TJP1: variants seen among roughly 807,000 people sequenced by gnomAD.
The protein encoded by TJP1 is tight junction protein 1, also known as tight junction protein ZO-1.
TJP1 carries 43 observed loss-of-function variants against 194.2 expected under a neutral mutation model. The ratio of observed to expected loss-of-function variants is 0.22; its 90% CI spans 0.17 to 0.29. The LOEUF is 0.29. Ranked by LOEUF, TJP1 falls within the 10% of genes least tolerant of loss-of-function variation. The probability of loss-of-function intolerance (pLI) is 1.00; values close to 1 mark genes in which losing one functional copy is unlikely to be tolerated. For synonymous variants in TJP1, 801 were observed against 779.0 expected, an observed-to-expected ratio of 1.03 and a Z score of -0.47; for missense variants, 1,971 against 2,185.7, an observed-to-expected ratio of 0.90 and a Z score of 1.96.
intron 2 of TJP1, among the ~76,000 whole-genome samples, chr15:29,931,959 T>C (rs954902438): frequency 1.3e-5 from 2 of 152,184 alleles, no homozygotes; most frequent in African/African-American, 4.8e-5. Flanking sequence ...ATCTGTAAAT[T>C]GTCATGGTGC....
At chr15:29,734,224 G>A (rs749806561) in intron 12 of TJP1, 50 bp downstream of exon 12, 3 of 1,263,328 alleles carry the variant, frequency 2.4e-6, no homozygotes, top group Admixed American at 2.4e-5. Context: ...CCCTTTGTAA[G>A]TCCTCAAACT....
Position 29,708,783 on chromosome 15 carries a change from C to T in TJP1, c.4626G>A (p.Lys1542=). 1 of 1,614,216 alleles carries T rather than the reference C, an allele frequency of 6.2e-7. No individual in the cohort carries two copies. Among genetic ancestry groups the T allele is most frequent in the African/African-American group, 1.3e-5 (1 of 75,042 alleles). Residue 1542 remains lysine, a synonymous_variant, in exon 25 of 28, where the codon AAG becomes AAA. Coordinates refer to ENST00000614355, the MANE Select transcript of TJP1 (RefSeq NM_001330239.4). The stretch of plus-strand genomic sequence containing the variant: ...TGTGATTGAATTTAGGACTTTCAAA[C>T]TTGCGTTCAAATGGTCGGGCAGAAC... The part of the protein sequence containing the change: ...YTSSARPFER[K]FESPKFNHNL...
Position 29,766,301 on chromosome 15 carries a change from G to C in TJP1, c.554C>G (p.Thr185Ser). The change falls in exon 5 of 28, where the codon ACT (threonine) becomes AGT (serine). Residue 185 changes from threonine (T) to serine (S), a missense_variant. Physicochemically the swap from Thr to Ser is moderately conservative, Grantham distance 58. This residue lies in a region of TJP1 where 245 missense variants were observed against 336.6 expected (regional missense o/e 0.73). Coordinates refer to ENST00000614355, the MANE Select transcript of TJP1 (RefSeq NM_001330239.4). ...SVASSQPAKP[T>S]KVTLVKSRKN... is the part of the protein sequence containing the mutation. ...CCGGGATTTCACCAGTGTGACTTTA[G>C]TAGGTTTAGCAGGCTGGCTGGAAGC... 6.2e-7 allele frequency: 1 copy of C among 1,613,974 alleles called. No homozygotes were observed. Among genetic ancestry groups the C allele is most frequent in the East Asian group, 2.2e-5 (1 of 44,880 alleles).
At chr15:29,861,114 G>A (rs1406556040) in intron 2 of TJP1, among the ~76,000 whole-genome samples, 1 of 152,106 alleles carries the variant, frequency 6.6e-6, no homozygotes, top group East Asian at 1.9e-4. Flanking sequence ...CATTTTGTGT[G>A]GACATATGTT....
intron 26 of TJP1, 65 bp downstream of exon 26, chr15:29,705,463 C>A: frequency 1.3e-6 from 2 of 1,504,358 alleles, no homozygotes; most frequent in South Asian, 1.2e-5. Flanking sequence ...GCACTATAAG[C>A]TCTGAAGTGC....
At chr15:29,753,734 C>T (rs572405851) in intron 8 of TJP1, among the ~76,000 whole-genome samples, 1 of 150,888 alleles carries the variant, frequency 6.6e-6, no homozygotes. Flanking sequence ...GTCACTGATT[C>T]GACTCGCTGA....
At chr15:29,888,353 A>ACACACATATATACACG in intron 2 of TJP1, among the ~76,000 whole-genome samples, 1 of 152,306 alleles carries the variant, frequency 6.6e-6, no homozygotes, top group African/African-American at 2.4e-5. Context: ...GAATATACAC[A>ACACACATATATACACG]CACACATATA....
chr15:29,852,054 C>T (rs965865813), intron 2 of TJP1, among the ~76,000 whole-genome samples: 2 of 152,136 alleles, frequency 1.3e-5, no homozygotes, highest in Non-Finnish European at 2.9e-5. Flanking sequence ...TCTTTGAGCT[C>T]TCAAGCTAGG....
chr15:29,749,589 GCTCCAGAGACT>G (rs1280754613), intron 8 of TJP1, among the ~76,000 whole-genome samples: 2 of 152,160 alleles, frequency 1.3e-5, no homozygotes, highest in Non-Finnish European at 2.9e-5. Flanking sequence ...CCAGCAGCCT[GCTCCAGAGACT>G]CTCTCAAACG....
rs576995319 is a variant in TJP1, at chr15:29,958,995, T to G, written c.174-2631A>C. Among the ~76,000 whole-genome samples the G allele has an allele frequency of 4.0e-4, 55 of 137,166 alleles. 1 individual carries two copies. Among genetic ancestry groups the G allele is most frequent in the African/African-American group, 6.4e-4 (18 of 28,248 alleles). The allele number at this position is 137,166 out of a possible 152,430, so 90.0% of individuals were successfully genotyped here. On this transcript the variant is annotated intron_variant, in intron 1 of 28. Transcript: ENST00000356107. ...TTTCTAAAGTAGCTAGTTTTTTTTT[T>G]TTGTTTTTTTTTGAGTCGGAGTCTC...
chr15:29,968,195 G>C (rs898953779), intron 1 of TJP1: 1 of 985,364 alleles, frequency 1.0e-6, no homozygotes, highest in Non-Finnish European at 1.2e-6. Context: ...TATTCCCCTT[G>C]CCTTGCTCGT....
chr15:29,960,135 A>T (rs1005042649), intron 1 of TJP1, among the ~76,000 whole-genome samples: 8 of 152,178 alleles, frequency 5.3e-5, no homozygotes, highest in African/African-American at 1.9e-4. Context: ...CTCTCATCTG[A>T]CTTAGAAAGG....
intron 2 of TJP1, among the ~76,000 whole-genome samples, chr15:29,857,228 A>G (rs968011805): frequency 2.6e-5 from 4 of 152,120 alleles, no homozygotes; most frequent in Non-Finnish European, 4.4e-5. Context: ...TATAAAAGAC[A>G]TACAGACTTA....
intron 2 of TJP1, among the ~76,000 whole-genome samples, chr15:29,776,031 C>A (rs1477084064): frequency 3.9e-5 from 6 of 152,082 alleles, no homozygotes; most frequent in Non-Finnish European, 8.8e-5. Flanking sequence ...CTTCTAAATT[C>A]TTTTTATGAA....
At chr15:29,786,875 A>C (rs1273116458) in intron 2 of TJP1, among the ~76,000 whole-genome samples, 1 of 152,192 alleles carries the variant, frequency 6.6e-6, no homozygotes, top group Non-Finnish European at 1.5e-5. Flanking sequence ...ACCTGGGTTC[A>C]AGTTCTCGCT....
At chr15:29,854,599 C>A (rs1285416245) in intron 2 of TJP1, among the ~76,000 whole-genome samples, 1 of 152,118 alleles carries the variant, frequency 6.6e-6, no homozygotes, top group Non-Finnish European at 1.5e-5. Context: ...GGGCGTGTGA[C>A]CCTGCCAGAT....
chr15:29,758,025 G>A (rs1313094455), intron 8 of TJP1, among the ~76,000 whole-genome samples: 2 of 152,196 alleles, frequency 1.3e-5, no homozygotes, highest in Admixed American at 1.3e-4. Context: ...CTAATGAACA[G>A]TAAATGTATT....
rs1566922453 is a variant in TJP1, at chr15:29,734,303, A to T, written c.1487T>A (p.Val496Glu). The change falls in exon 12 of 28, where the codon GTG becomes GAG. Residue 496 changes from valine (V) to glutamate (E), a missense_variant. Physicochemically the swap from Val to Glu is moderately radical, Grantham distance 121. Transcript: ENST00000614355. ...CTTCTTCTTCTGAGCCAATATGGTC[A>T]CTTCTTCTCCTTTAGGGAGGTCAAG... ...FLLDLPKGEEVTILAQKKKDV... is the reference protein window; with the variant it reads ...FLLDLPKGEEETILAQKKKDV... 6.2e-7 allele frequency: 1 copy of T among 1,611,972 alleles called. No homozygotes were observed. Among genetic ancestry groups the T allele is most frequent in the Non-Finnish European group, 8.5e-7 (1 of 1,179,380 alleles).
intron 1 of TJP1, among the ~76,000 whole-genome samples, chr15:29,815,913 CT>C (rs1395478954): frequency 6.6e-6 from 1 of 152,122 alleles, no homozygotes; most frequent in African/African-American, 2.4e-5. Context: ...AACTACTGTA[CT>C]TTTTTTCCTT....
Sources: gnomAD v4.1 joint callset for allele counts (sites outside exome capture counted in the v4.1 genomes callset) on GRCh38, gnomAD v4.1.1 for gene constraint, gnomAD v4.1.1 regional missense constraint, MANE v1.5 for transcripts, NCBI Gene and HGNC (gene_info 2026-07-23, HGNC 2026-07-21) for gene names.